CRMP1: variants seen among roughly 807,000 people sequenced by gnomAD.
The protein encoded by CRMP1 is dihydropyrimidinase-related protein 1.
Under a neutral mutation model 68.3 loss-of-function variants are expected in CRMP1, and 19 were observed. The ratio of observed to expected loss-of-function variants is 0.28; its 90% confidence interval spans 0.19 to 0.41. The LOEUF is 0.41. Among genes scored for constraint, CRMP1 ranks in the 10% least tolerant of loss-of-function variants. The pLI is 1.00. For synonymous variants in CRMP1, 439 were observed against 399.6 expected (o/e 1.10, Z -1.18); for missense variants, 791 against 967.4 (o/e 0.82, Z 2.42).
Position 5,842,591 on chromosome 4 carries a change from C to T in CRMP1, c.1032+502G>A, listed in dbSNP as rs1204640065. Among the ~76,000 whole-genome samples the T allele has an allele frequency of 4.6e-5, 5 of 109,396 alleles. No individual in the cohort carries two copies. Among genetic ancestry groups the T allele is most frequent in the Non-Finnish European group, 5.8e-5 (3 of 51,960 alleles). 71.8% of individuals were successfully genotyped at this position (109,396 alleles called of 152,430 possible). A position where few individuals can be genotyped will look rare whatever the true frequency, so the allele number is the denominator to read the frequency against. The stretch of plus-strand genomic sequence containing the variant: ...GCATGCACATGCACCCACACTCACA[C>T]ACTCTCTCACACACACACACACACA... On this transcript the variant is annotated intron_variant, in intron 7 of 13. Transcript: ENST00000324989. The surrounding 1 kb of genome is among the most constrained non-coding windows in gnomAD (Gnocchi z 4.5).
Position 5,888,421 on chromosome 4 carries a change from G to T in CRMP1, c.381+4168C>A. On this transcript the variant is annotated intron_variant, in intron 1 of 13. Coordinates refer to ENST00000324989, the MANE Select transcript of CRMP1 (RefSeq NM_001014809.3). This position sits in a 1 kb window ranked among gnomAD's most constrained non-coding sequence, Gnocchi z 6.4. ...TCGGCGCCCGTGGATGCCCACGCGC[G>T]GCTGCCCCGGCTGCTCGGCCCGCCC... 8.2e-7 allele frequency: 1 copy of T among 1,216,736 alleles called. No individual in the cohort carries two copies. Among genetic ancestry groups the T allele is most frequent in the Non-Finnish European group, 1.0e-6 (1 of 978,382 alleles). The allele number at this position is 1,216,736 out of a possible 1,614,324, so 75.4% of individuals were successfully genotyped here.
At position 5,832,354 on chromosome 4, in the gene CRMP1, A is replaced by G. The variant is rs570319924; in HGVS notation, c.1623+3561T>C. Among the ~76,000 whole-genome samples, 44 of 152,364 alleles carry G rather than the reference A, an allele frequency of 2.9e-4. No individual in the cohort carries two copies. The South Asian group carries it at 3.7e-3, about 13-fold the overall frequency. On this transcript the variant is annotated intron_variant, in intron 11 of 13. Transcript: ENST00000324989. ...CGATAAGAAACTTAAAAACATCCAGATAGTCTATGATATACAAACATGTAT... is the reference window on the plus strand; with the variant it reads ...CGATAAGAAACTTAAAAACATCCAGGTAGTCTATGATATACAAACATGTAT...
At chr4:5,845,188 A>G (rs1712099732) in intron 6 of CRMP1, among the ~76,000 whole-genome samples, 1 of 152,166 alleles carries the variant, frequency 6.6e-6, no homozygotes, top group African/African-American at 2.4e-5. Context: ...ACTCCCAGTG[A>G]TCCCGCCTCC....
At chr4:5,884,259 G>A (rs1008554523) in intron 1 of CRMP1, among the ~76,000 whole-genome samples, 1 of 152,136 alleles carries the variant, frequency 6.6e-6, no homozygotes, top group African/African-American at 2.4e-5. Context: ...TGTCACCCTT[G>A]GGAAAAAGCA....
Position 5,861,231 on chromosome 4 carries a change from C to G in CRMP1, c.471-21G>C. 4 of 1,608,234 alleles carry G rather than the reference C, an allele frequency of 2.5e-6. No individual in the cohort carries two copies. Among genetic ancestry groups the G allele is most frequent in the Non-Finnish European group, 3.4e-6 (4 of 1,176,780 alleles). On this transcript the variant is annotated intron_variant, in intron 2 of 13. Transcript: ENST00000324989. This position sits in a 1 kb window ranked among gnomAD's most constrained non-coding sequence, Gnocchi z 6.0. ...TTTGTCTGGAGGCAAACAACAGAGA[C>G]AGCCTTGGTTCTTAAAGGAAAAGTA... is the stretch of plus-strand genomic sequence containing the variant.
At chr4:5,844,284 C>T (rs778055593) in intron 6 of CRMP1, among the ~76,000 whole-genome samples, 2 of 144,390 alleles carry the variant, frequency 1.4e-5, no homozygotes, top group Non-Finnish European at 1.5e-5. Flanking sequence ...TTTAGAATAC[C>T]GAGAAATCCC....
chr4:5,868,754 A>C (rs149955496), intron 1 of CRMP1, among the ~76,000 whole-genome samples: 101 of 152,298 alleles, frequency 6.6e-4, no homozygotes, highest in African/African-American at 2.3e-3. Context: ...TTTTTTGTGC[A>C]CAAAACTCCT....
In CRMP1 at chr4:5,842,600, A is replaced by T. The variant is rs200969415; in HGVS notation, c.1032+493T>A. 0.025 allele frequency among the ~76,000 whole-genome samples: 1,156 copies of T among 45,968 alleles called. 22 individuals carry two copies. The highest frequency in any genetic ancestry group is 0.088 in the Admixed American group (577 of 6,566). 30.2% of individuals were successfully genotyped at this position (45,968 alleles called of 152,430 possible). A position where few individuals can be genotyped will look rare whatever the true frequency, so the allele number is the denominator to read the frequency against. ...TGCACCCACACTCACACACTCTCTC[A>T]CACACACACACACACACTCACTCAC... On this transcript the variant is annotated intron_variant, in intron 7 of 13. Coordinates refer to ENST00000324989, the MANE Select transcript of CRMP1 (RefSeq NM_001014809.3). The surrounding 1 kb of genome is among the most constrained non-coding windows in gnomAD (Gnocchi z 4.5).
Position 5,825,595 on chromosome 4 carries a change from G to A in CRMP1, c.1868C>T (p.Thr623Ile). 1 of 1,602,738 alleles carries A rather than the reference G, an allele frequency of 6.2e-7. No homozygotes were observed. Among genetic ancestry groups the A allele is most frequent in the Non-Finnish European group, 8.5e-7 (1 of 1,176,484 alleles). ...YDGPVYEVPA[T>I]PKYATPAPSA... ...AGGAGCGGGAGTTGCATATTTGGGT[G>A]TAGCTGGTACCTCGTACACAGGACC... The change falls in exon 13 of 14, where the codon ACA (threonine) becomes ATA (isoleucine). Residue 623 changes from threonine (T) to isoleucine (I), a missense_variant. Physicochemically the swap from Thr to Ile is moderately conservative, Grantham distance 89. This residue lies in a region of CRMP1 where 594 missense variants were observed against 763.6 expected (regional missense o/e 0.78). Transcript: ENST00000324989. The surrounding 1 kb of genome is among the most constrained non-coding windows in gnomAD (Gnocchi z 4.4).
At chr4:5,847,837 C>T (rs1039283400) in intron 6 of CRMP1, among the ~76,000 whole-genome samples, 4 of 152,168 alleles carry the variant, frequency 2.6e-5, no homozygotes, top group Non-Finnish European at 4.4e-5. Flanking sequence ...ATCTACCTCA[C>T]GGAGTAGTTG....
chr4:5,822,958 C>T (rs1718908635), intron 13 of CRMP1, among the ~76,000 whole-genome samples: 1 of 152,210 alleles, frequency 6.6e-6, no homozygotes, highest in Admixed American at 6.5e-5. Flanking sequence ...CAGTCGGCTC[C>T]TTTCTTGCTG....
At chr4:5,869,282 T>C (rs1218135969) in intron 1 of CRMP1, among the ~76,000 whole-genome samples, 1 of 152,140 alleles carries the variant, frequency 6.6e-6, no homozygotes. Flanking sequence ...GCTTGTAATT[T>C]TTTTCCATGT....
At chr4:5,832,924 G>C (rs558855692) in intron 11 of CRMP1, among the ~76,000 whole-genome samples, 10 of 152,296 alleles carry the variant, frequency 6.6e-5, no homozygotes, top group Non-Finnish European at 1.5e-4. Context: ...GGTCACATTG[G>C]GGTGTGGTAG....
In CRMP1 at chr4:5,866,633, C is replaced by T; in HGVS notation, c.470+35G>A. On this transcript the variant is annotated intron_variant, in intron 2 of 13. Transcript: ENST00000324989. The surrounding 1 kb of genome is among the most constrained non-coding windows in gnomAD (Gnocchi z 5.9). ...TCTAAGGCCAGGCAGCCTGGCGACA[C>T]AGGTTTCTTAAAAGGTCCGTTTTGA... 6.5e-7 allele frequency: 1 copy of T among 1,537,916 alleles called. No homozygotes were observed. Among genetic ancestry groups the T allele is most frequent in the Non-Finnish European group, 9.0e-7 (1 of 1,115,624 alleles).
rs1715098762 is a variant in CRMP1 at position 5,879,656 on chromosome 4, A to G, written c.382-12900T>C. Among the ~76,000 whole-genome samples the G allele has an allele frequency of 6.6e-6, 1 of 152,212 alleles. No individual in the cohort carries two copies. The highest frequency in any genetic ancestry group is 1.5e-5 in the Non-Finnish European group (1 of 68,038). On this transcript the variant is annotated intron_variant, in intron 1 of 13. Coordinates refer to ENST00000324989, the MANE Select transcript of CRMP1 (RefSeq NM_001014809.3). This position sits in a 1 kb window ranked among gnomAD's most constrained non-coding sequence, Gnocchi z 4.2. ...TGAACACTGTCCTATGAAGTTTAACATTCTATGCCAAATGCTCTAACATTC... is the reference window on the plus strand; with the variant it reads ...TGAACACTGTCCTATGAAGTTTAACGTTCTATGCCAAATGCTCTAACATTC...
chr4:5,873,451 C>G (rs1017370905), intron 1 of CRMP1, among the ~76,000 whole-genome samples: 1 of 151,806 alleles, frequency 6.6e-6, no homozygotes, highest in Non-Finnish European at 1.5e-5. Context: ...AAGCATGATG[C>G]TGGCATCTGC....
rs137881125 is a variant in CRMP1, at chr4:5,867,090, G to A, written c.382-334C>T. ...CCCGAGAAATGAGTATGGGCAGCAAGCTGCACTTTTTTTTCTAAACAGGAA... is the reference window on the plus strand; with the variant it reads ...CCCGAGAAATGAGTATGGGCAGCAAACTGCACTTTTTTTTCTAAACAGGAA... On this transcript the variant is annotated intron_variant, in intron 1 of 13. Coordinates refer to ENST00000324989, the MANE Select transcript of CRMP1 (RefSeq NM_001014809.3). 4.4e-3 allele frequency among the ~76,000 whole-genome samples: 667 copies of A among 152,262 alleles called. 4 individuals are homozygous for A. The highest frequency in any genetic ancestry group is 7.4e-3 in the Admixed American group (114 of 15,306).
At chr4:5,882,671 A>C (rs962410150) in intron 1 of CRMP1, among the ~76,000 whole-genome samples, 4 of 152,258 alleles carry the variant, frequency 2.6e-5, no homozygotes, top group African/African-American at 7.2e-5. Flanking sequence ...GCTAGTAAGT[A>C]AAACAGCCAG....
intron 1 of CRMP1, among the ~76,000 whole-genome samples, chr4:5,873,333 G>C (rs1714593203): frequency 6.6e-6 from 1 of 152,224 alleles, no homozygotes; most frequent in Non-Finnish European, 1.5e-5. Flanking sequence ...GAAGCACACG[G>C]TGTATTAGTC....
Sources: allele counts gnomAD v4.1 joint callset (sites outside exome capture counted in the v4.1 genomes callset), GRCh38; gene constraint gnomAD v4.1.1; regional missense constraint gnomAD v4.1.1; non-coding constraint Gnocchi (gnomAD v3.1); transcripts MANE v1.5; gene names NCBI Gene and HGNC (gene_info 2026-07-23, HGNC 2026-07-21).